Variants in SYT9 observed in about 807,000 individuals in gnomAD.
SYT9 encodes synaptotagmin 9, also known as synaptotagmin-9.
Under a neutral mutation model 48.4 loss-of-function variants are expected in SYT9, and 22 were observed. The observed-to-expected ratio is 0.45, with a 90% CI of 0.32 to 0.65. SYT9 has a LOEUF of 0.65. Among genes scored for constraint, SYT9 ranks in the 30% least tolerant of loss-of-function variants. SYT9 has a pLI of 0.03. For synonymous variants in SYT9, 265 were observed against 245.0 expected (o/e 1.08, Z -0.76); for missense variants, 577 against 622.0 (o/e 0.93, Z 0.77).
At chr11:7,351,031 T>C (rs140897851) in intron 3 of SYT9, among the ~76,000 whole-genome samples, 119 of 152,286 alleles carry the variant, frequency 7.8e-4, no homozygotes, top group Middle Eastern at 6.8e-3. Context: ...TGATTTTGTC[T>C]TAAAAAAAGT....
chr11:7,259,190 A>G (rs1005043724), intron 1 of SYT9, among the ~76,000 whole-genome samples: 2 of 152,172 alleles, frequency 1.3e-5, no homozygotes, highest in African/African-American at 4.8e-5. Context: ...GAAATACCAT[A>G]GTACCTGGTA....
intron 3 of SYT9, among the ~76,000 whole-genome samples, chr11:7,399,019 G>T (rs1846822349): frequency 6.6e-6 from 1 of 152,012 alleles, no homozygotes; most frequent in African/African-American, 2.4e-5. Flanking sequence ...TACTCATTGT[G>T]GTTTTTTGCT....
At chr11:7,306,195 A>G (rs1220789257) in intron 2 of SYT9, among the ~76,000 whole-genome samples, 1 of 152,108 alleles carries the variant, frequency 6.6e-6, no homozygotes, top group Non-Finnish European at 1.5e-5. Flanking sequence ...CCAGAGCTTT[A>G]TAAAGTTCTC....
chr11:7,261,264 T>G (rs1425304463), intron 1 of SYT9, among the ~76,000 whole-genome samples: 2 of 152,204 alleles, frequency 1.3e-5, no homozygotes, highest in East Asian at 3.8e-4. Context: ...GCTGTAGCAC[T>G]GCAGAACCAT....
rs535670299 is a variant in SYT9 at position 7,313,926 on chromosome 11, C to T, written c.1029C>T (p.Ile343=). The T allele has an allele frequency of 1.5e-5, 24 of 1,611,916 alleles. No homozygotes were observed. Among genetic ancestry groups the T allele is most frequent in the East Asian group, 2.2e-5 (1 of 44,860 alleles). Residue 343 remains isoleucine, a synonymous_variant, in exon 3 of 7, where the codon ATC becomes ATT. Coordinates refer to ENST00000318881, the MANE Select transcript of SYT9 (RefSeq NM_175733.4). ...FPRECILWKD[I]EYVTNDNVDL... The stretch of plus-strand genomic sequence containing the variant: ...GGGAGTGCATCCTTTGGAAGGATAT[C>T]GAATATGTCACCAATGTGAGTCCAG...
At chr11:7,329,016 G>A (rs542384440) in intron 3 of SYT9, among the ~76,000 whole-genome samples, 1 of 152,052 alleles carries the variant, frequency 6.6e-6, no homozygotes, top group African/African-American at 2.4e-5. Context: ...TAGTATGAAT[G>A]GTGTTGAATT....
chr11:7,378,881 A>T (rs1850504176), intron 3 of SYT9, among the ~76,000 whole-genome samples: 1 of 152,188 alleles, frequency 6.6e-6, no homozygotes, highest in South Asian at 2.1e-4. Context: ...TGCAAGGTCA[A>T]TTCAAAATTA....
intron 1 of SYT9, among the ~76,000 whole-genome samples, chr11:7,255,122 G>A (rs2119776072): frequency 6.6e-6 from 1 of 152,348 alleles, no homozygotes; most frequent in Admixed American, 6.5e-5. Context: ...TCCATAGAAA[G>A]CAATTAGAAT....
At chr11:7,436,093 C>T (rs539447918) in intron 6 of SYT9, 1 of 152,246 alleles carries the variant, frequency 6.6e-6, no homozygotes, top group Non-Finnish European at 1.5e-5. Context: ...AGATTCAGGA[C>T]TTCACCCATT....
At chr11:7,394,104 C>T (rs1357268338) in intron 3 of SYT9, among the ~76,000 whole-genome samples, 4 of 151,928 alleles carry the variant, frequency 2.6e-5, no homozygotes, top group East Asian at 1.9e-4. Flanking sequence ...AATGCTATCC[C>T]TCCCCCCTTC....
chr11:7,351,846 G>GA lies in SYT9; in HGVS notation c.1044+37910dup, dbSNP rs1012224253. On this transcript the variant is annotated intron_variant, in intron 3 of 6. Transcript: ENST00000318881. ...GGCCTGAGAGTAAGGAGAAAGGAAG[G>GA]AAAAATTAATGAGTAACCAACCACT... is the stretch of plus-strand genomic sequence containing the variant. 1.3e-3 allele frequency among the ~76,000 whole-genome samples: 194 copies of GA among 152,276 alleles called. 1 individual carries two copies. Among genetic ancestry groups the GA allele is most frequent in the African/African-American group, 4.5e-3 (185 of 41,554 alleles).
chr11:7,269,556 T>G (rs549687089), intron 1 of SYT9, among the ~76,000 whole-genome samples: 189 of 152,282 alleles, frequency 1.2e-3, no homozygotes, highest in Middle Eastern at 3.4e-3. Context: ...TTTAGTGCAT[T>G]ACTTCAAATT....
chr11:7,349,840 T>C (rs1315388164), intron 3 of SYT9, among the ~76,000 whole-genome samples: 2 of 152,238 alleles, frequency 1.3e-5, no homozygotes, highest in East Asian at 3.8e-4. Context: ...AAGCCTGTGT[T>C]CCAAAACTCA....
chr11:7,394,320 C>A (rs1174648784), intron 3 of SYT9, among the ~76,000 whole-genome samples: 9 of 152,088 alleles, frequency 5.9e-5, no homozygotes, highest in Admixed American at 5.9e-4. Context: ...CATAGTATTC[C>A]ATGGTGTATA....
intron 3 of SYT9, among the ~76,000 whole-genome samples, chr11:7,368,105 G>A (rs1258671634): frequency 6.6e-6 from 1 of 152,192 alleles, no homozygotes; most frequent in African/African-American, 2.4e-5. Flanking sequence ...TGTGATATCT[G>A]CTTTAAAACT....
intron 3 of SYT9, among the ~76,000 whole-genome samples, chr11:7,319,803 G>A (rs1316000129): frequency 1.3e-5 from 2 of 152,148 alleles, no homozygotes; most frequent in African/African-American, 2.4e-5. Context: ...CAGAAGCTAA[G>A]CCACCAGAGA....
chr11:7,352,531 G>C (rs1280621005), intron 3 of SYT9, among the ~76,000 whole-genome samples: 1 of 152,142 alleles, frequency 6.6e-6, no homozygotes, highest in Non-Finnish European at 1.5e-5. Flanking sequence ...GATGCTTCTC[G>C]ATGGTTATGA....
chr11:7,262,781 T>TG (rs1317281546), intron 1 of SYT9, among the ~76,000 whole-genome samples: 2 of 152,116 alleles, frequency 1.3e-5, no homozygotes, highest in East Asian at 3.9e-4. Flanking sequence ...AACAAGAGCC[T>TG]GATTGGCATG....
chr11:7,432,579 AAAAATATATATACATATAT>A (rs1564902035), intron 6 of SYT9, among the ~76,000 whole-genome samples: 188 of 7,108 alleles, frequency 0.026, 7 homozygotes, highest in Non-Finnish European at 0.035. Flanking sequence ...AAAAAAAAAA[AAAAATATATATACATATAT>A]ATATATATAT....
Sources: allele counts gnomAD v4.1 joint callset (sites outside exome capture counted in the v4.1 genomes callset), GRCh38; gene constraint gnomAD v4.1.1; transcripts MANE v1.5; gene names NCBI Gene and HGNC (gene_info 2026-07-23, HGNC 2026-07-21).